Variants in DENND5A observed in about 807,000 individuals in gnomAD.
DENND5A encodes DENN domain-containing protein 5A.
Under a neutral mutation model 140.3 loss-of-function variants are expected in DENND5A, and 64 were observed. That is an observed-to-expected ratio of 0.46 (90% CI 0.37 to 0.56). The LOEUF (loss-of-function observed/expected upper bound fraction) is 0.56. DENND5A is among the 20% of genes least tolerant of loss of function. The pLI is 0.00. For missense variants in DENND5A, 1,292 were observed against 1,593.8 expected (o/e 0.81, Z 3.22); for synonymous variants, 605 against 607.7 (o/e 1.00, Z 0.07).
intron 1 of DENND5A, among the ~76,000 whole-genome samples, chr11:9,225,251 T>G (rs1850482748): frequency 6.6e-6 from 1 of 152,364 alleles, no homozygotes; most frequent in East Asian, 1.9e-4. Flanking sequence ...GCTCACATCT[T>G]CTTCCTATAA....
chr11:9,165,445 C>T (rs1001530201), intron 11 of DENND5A, among the ~76,000 whole-genome samples: 2 of 118,842 alleles, frequency 1.7e-5, no homozygotes, highest in African/African-American at 7.8e-5. Context: ...ATTATATTAA[C>T]GATTTTTTTT....
At chr11:9,142,687 T>G (rs764355026) in intron 21 of DENND5A, 35 bp downstream of exon 21, 15 of 1,613,140 alleles carry the variant, frequency 9.3e-6, no homozygotes, top group Non-Finnish European at 1.3e-5. Flanking sequence ...TATCTCTACA[T>G]GCTTCTCCCA....
chr11:9,148,757 T>G (rs1403184610), intron 15 of DENND5A, among the ~76,000 whole-genome samples: 1 of 152,188 alleles, frequency 6.6e-6, no homozygotes, highest in Non-Finnish European at 1.5e-5. Context: ...TTTTGTTCTC[T>G]CTGAGCTAAA....
At chr11:9,201,569 C>G (rs567792862) in intron 4 of DENND5A, among the ~76,000 whole-genome samples, 4 of 152,014 alleles carry the variant, frequency 2.6e-5, no homozygotes, top group African/African-American at 9.7e-5. Context: ...ACACGGGAAG[C>G]TGAGGTGGGA....
chr11:9,253,325 G>A (rs1590342316), intron 1 of DENND5A, among the ~76,000 whole-genome samples: 2 of 152,178 alleles, frequency 1.3e-5, no homozygotes, highest in South Asian at 4.1e-4. Flanking sequence ...GACTCTAAGA[G>A]AATTTGGTTT....
intron 1 of DENND5A, among the ~76,000 whole-genome samples, chr11:9,254,675 T>C (rs987769621): frequency 6.6e-6 from 1 of 152,184 alleles, no homozygotes; most frequent in African/African-American, 2.4e-5. Context: ...TTAAGTGTAG[T>C]CCACATCGAC....
At chr11:9,162,163 C>T (rs1453767094) in intron 11 of DENND5A, among the ~76,000 whole-genome samples, 1 of 150,074 alleles carries the variant, frequency 6.7e-6, no homozygotes, top group Non-Finnish European at 1.5e-5. Context: ...AGTTTTTAAC[C>T]TTCTTATTGT....
chr11:9,207,356 T>C (rs117154933), intron 2 of DENND5A: 1 of 554,898 alleles, frequency 1.8e-6, no homozygotes, highest in Non-Finnish European at 3.2e-6. Flanking sequence ...CTAAAAACAC[T>C]AAAGTATATT....
chr11:9,145,311 A>G (rs60731772), intron 17 of DENND5A, 198 bp from the exon 18 acceptor site: 2 of 594,796 alleles, frequency 3.4e-6, no homozygotes, highest in African/African-American at 1.9e-5. Flanking sequence ...GAAAGAAAAC[A>G]CTCTACCTAG....
chr11:9,169,616 T>C (rs1015414326), intron 10 of DENND5A, among the ~76,000 whole-genome samples: 1 of 152,022 alleles, frequency 6.6e-6, no homozygotes, highest in African/African-American at 2.4e-5. Flanking sequence ...GGGAGCATCA[T>C]GCATGAGAAA....
At chr11:9,240,398 A>AAAAC (rs1195015612) in intron 1 of DENND5A, among the ~76,000 whole-genome samples, 5 of 152,066 alleles carry the variant, frequency 3.3e-5, no homozygotes, top group South Asian at 2.1e-4. Flanking sequence ...CTCCGTCTCA[A>AAAAC]AAACAAACAA....
chr11:9,220,290 G>A (rs1009797335), intron 1 of DENND5A, among the ~76,000 whole-genome samples: 2 of 152,144 alleles, frequency 1.3e-5, no homozygotes, highest in Non-Finnish European at 2.9e-5. Flanking sequence ...GCTCATGCCT[G>A]TAATCCCAAC....
chr11:9,265,082 GAGACCGGCCGGGCAGTGC>G lies in DENND5A; in HGVS notation c.-31_-14del. ...CGCCGCCACTCATGGCGCCGGGGCC[GAGACCGGCCGGGCAGTGC>G]GGAGCGGCACCGAGCCCCCGCAACC... On this transcript the variant is annotated 5_prime_UTR_variant, in exon 1 of 23. Transcript: ENST00000328194. The surrounding 1 kb of genome is among the most constrained non-coding windows in gnomAD (Gnocchi z 4.7). The G allele has an allele frequency of 6.7e-7, 1 of 1,503,100 alleles. No homozygotes were observed. Among genetic ancestry groups the G allele is most frequent in the South Asian group, 1.2e-5 (1 of 80,612 alleles). 93.1% of individuals were successfully genotyped at this position (1,503,100 alleles called of 1,614,324 possible). A position where few individuals can be genotyped will look rare whatever the true frequency, so the allele number is the denominator to read the frequency against.
chr11:9,169,489 A>C (rs950209845), intron 10 of DENND5A, among the ~76,000 whole-genome samples: 1 of 96,256 alleles, frequency 1.0e-5, no homozygotes, highest in Non-Finnish European at 2.2e-5. Context: ...TTTCCTATAT[A>C]CACACGCACA....
At chr11:9,241,766 G>C (rs1268957127) in intron 1 of DENND5A, among the ~76,000 whole-genome samples, 1 of 152,116 alleles carries the variant, frequency 6.6e-6, no homozygotes, top group Non-Finnish European at 1.5e-5. Context: ...TGTAATCCCA[G>C]CACTTTGGGA....
chr11:9,159,640 GT>G (rs1314060659), intron 12 of DENND5A, among the ~76,000 whole-genome samples: 4 of 152,290 alleles, frequency 2.6e-5, no homozygotes, highest in African/African-American at 9.6e-5. Context: ...TTGTATACAA[GT>G]TTTTGTGTAG....
At chr11:9,198,335 C>T (rs1849402815) in intron 4 of DENND5A, among the ~76,000 whole-genome samples, 1 of 151,272 alleles carries the variant, frequency 6.6e-6, no homozygotes, top group Non-Finnish European at 1.5e-5. Flanking sequence ...GTAACCAGGG[C>T]TGGGCGCAGT....
chr11:9,159,872 G>A (rs959778596), intron 12 of DENND5A, among the ~76,000 whole-genome samples: 8 of 152,188 alleles, frequency 5.3e-5, no homozygotes, highest in African/African-American at 1.9e-4. Flanking sequence ...ATCTCATTGT[G>A]GTTCCACTGG....
intron 4 of DENND5A, among the ~76,000 whole-genome samples, chr11:9,194,475 G>C (rs1342244519): frequency 6.6e-6 from 1 of 151,364 alleles, no homozygotes; most frequent in Non-Finnish European, 1.5e-5. Flanking sequence ...AGGCTGAGAC[G>C]TAAGAATTGC....
Sources: gnomAD v4.1 joint callset for allele counts (sites outside exome capture counted in the v4.1 genomes callset) on GRCh38, gnomAD v4.1.1 for gene constraint, Gnocchi (gnomAD v3.1) non-coding constraint, MANE v1.5 for transcripts, NCBI Gene and HGNC (gene_info 2026-07-23, HGNC 2026-07-21) for gene names.